DAB1: variants seen among roughly 807,000 people sequenced by gnomAD.
The protein encoded by DAB1 is disabled homolog 1.
DAB1 carries 15 observed loss-of-function variants against 64.6 expected under a neutral mutation model. That is an observed-to-expected ratio of 0.23 (90% CI 0.16 to 0.36). The LOEUF is 0.36. DAB1 is among the 10% of genes least tolerant of loss of function. The pLI, the probability that DAB1 is intolerant of heterozygous loss-of-function variation, is 1.00. For missense variants in DAB1, 596 were observed against 706.7 expected, an observed-to-expected ratio of 0.84 and a Z score of 1.78; for synonymous variants, 235 against 251.9, an observed-to-expected ratio of 0.93 and a Z score of 0.64.
At chr1:57,563,319 A>T (rs1645075002) in intron 7 of DAB1, among the ~76,000 whole-genome samples, 1 of 152,202 alleles carries the variant, frequency 6.6e-6, no homozygotes, top group Non-Finnish European at 1.5e-5. Flanking sequence ...CAGTTCCAAG[A>T]TGGCCAAATA....
intron 11 of DAB1, among the ~76,000 whole-genome samples, chr1:57,017,959 A>G (rs899277405): frequency 6.6e-6 from 1 of 152,134 alleles, no homozygotes; most frequent in Admixed American, 6.5e-5. Flanking sequence ...TTCGGTTGTC[A>G]CAAGAGGAGG....
intron 7 of DAB1, among the ~76,000 whole-genome samples, chr1:57,438,614 G>GAATTAAAT (rs1685787568): frequency 6.6e-6 from 1 of 152,132 alleles, no homozygotes; most frequent in South Asian, 2.1e-4. Context: ...AGGAGGAGGA[G>GAATTAAAT]AATTAAATAA....
At chr1:58,367,525 T>G (rs1298534121) in intron 3 of DAB1, among the ~76,000 whole-genome samples, 1 of 152,164 alleles carries the variant, frequency 6.6e-6, no homozygotes, top group Non-Finnish European at 1.5e-5. Context: ...ATGTCCAATC[T>G]ATAAACAGCA....
At chr1:57,960,111 A>T (rs374814153) in intron 5 of DAB1, among the ~76,000 whole-genome samples, 1 of 151,996 alleles carries the variant, frequency 6.6e-6, no homozygotes, top group Non-Finnish European at 1.5e-5. Context: ...TATGGTGAGG[A>T]GTGTGGGAGA....
At chr1:57,754,601 G>A (rs1242041381) in intron 6 of DAB1, among the ~76,000 whole-genome samples, 1 of 151,854 alleles carries the variant, frequency 6.6e-6, no homozygotes, top group Non-Finnish European at 1.5e-5. Context: ...CAGGAGAATC[G>A]CTTGAAAAAA....
At chr1:57,710,065 T>G (rs899824335) in intron 6 of DAB1, among the ~76,000 whole-genome samples, 2 of 152,162 alleles carry the variant, frequency 1.3e-5, no homozygotes, top group African/African-American at 4.8e-5. Context: ...ACCCTCACTA[T>G]CTTCCTAAAT....
intron 2 of DAB1, among the ~76,000 whole-genome samples, chr1:57,205,725 G>C (rs1204152545): frequency 2.0e-5 from 3 of 152,176 alleles, no homozygotes; most frequent in African/African-American, 4.8e-5. Context: ...CACACAGCTA[G>C]TAAGTGGCAG....
intron 2 of DAB1, among the ~76,000 whole-genome samples, chr1:58,524,102 T>C (rs946143536): frequency 9.2e-5 from 14 of 152,324 alleles, no homozygotes; most frequent in African/African-American, 3.4e-4. Flanking sequence ...GGAAAGTACT[T>C]ACAAATCCAA....
Position 57,056,088 on chromosome 1 carries a change from G to T in DAB1, c.723+6796C>A, listed in dbSNP as rs1649725288. Among the ~76,000 whole-genome samples, 4 of 152,194 alleles carry T rather than the reference G, an allele frequency of 2.6e-5. 1 individual carries two copies. In the South Asian group the frequency reaches 6.2e-4, roughly 24 times the overall value. Reference sequence around the variant, plus strand: ...ATGGAGAGTGGAGAGACTAACTTAAGTACTCAAATTCACAAAGCTAGAAAA... The same window carrying T: ...ATGGAGAGTGGAGAGACTAACTTAATTACTCAAATTCACAAAGCTAGAAAA... On this transcript the variant is annotated intron_variant, in intron 9 of 14. Transcript: ENST00000371236.
intron 4 of DAB1, among the ~76,000 whole-genome samples, chr1:58,300,317 A>G (rs1354467757): frequency 3.3e-5 from 5 of 151,910 alleles, no homozygotes. Flanking sequence ...AGGCTGAGAC[A>G]GATGGATCAC....
chr1:57,149,083 T>C (rs1659418465), intron 2 of DAB1, among the ~76,000 whole-genome samples: 1 of 152,244 alleles, frequency 6.6e-6, no homozygotes, highest in Non-Finnish European at 1.5e-5. Context: ...GACATTTATA[T>C]AATTGTTATT....
rs1443782388 is a variant in DAB1, at chr1:58,064,176, C to T, written n.387+86335G>A. Among the ~76,000 whole-genome samples, 3 of 152,232 alleles carry T rather than the reference C, an allele frequency of 2.0e-5. No individual in the cohort carries two copies. In the East Asian group the frequency reaches 5.8e-4, roughly 29 times the overall value. On this transcript the variant is annotated intron_variant and non_coding_transcript_variant, in intron 5 of 20. Transcript: ENST00000485760. ...TAGGGAAGAAAGAACCACGGGGCCT[C>T]GTAGCGCACATAATTTGCAAGCTGA...
At chr1:57,951,139 G>A (rs1391300091) in intron 5 of DAB1, among the ~76,000 whole-genome samples, 1 of 151,556 alleles carries the variant, frequency 6.6e-6, no homozygotes, top group Non-Finnish European at 1.5e-5. Context: ...TATTTTTATA[G>A]GCAGAGCATC....
At chr1:57,343,302 A>G (rs1173126006) in intron 1 of DAB1, among the ~76,000 whole-genome samples, 2 of 152,178 alleles carry the variant, frequency 1.3e-5, no homozygotes, top group African/African-American at 4.8e-5. Context: ...CTAGATATAG[A>G]GCGCCGATTG....
intron 7 of DAB1, among the ~76,000 whole-genome samples, chr1:57,445,404 A>G (rs1329475992): frequency 6.6e-6 from 1 of 152,178 alleles, no homozygotes; most frequent in Non-Finnish European, 1.5e-5. Context: ...AATTGTATTT[A>G]CTTATATAGT....
At chr1:58,052,020 T>G in intron 5 of DAB1, among the ~76,000 whole-genome samples, 1 of 152,352 alleles carries the variant, frequency 6.6e-6, no homozygotes. Flanking sequence ...TGGTAGTTTC[T>G]TTTGCCGTGC....
intron 6 of DAB1, among the ~76,000 whole-genome samples, chr1:57,735,925 A>G (rs114446355): frequency 6.6e-6 from 1 of 152,154 alleles, no homozygotes; most frequent in South Asian, 2.1e-4. Context: ...GGATGTAAAG[A>G]AATGATAGCC....
intron 5 of DAB1, among the ~76,000 whole-genome samples, chr1:58,131,456 C>T (rs998630368): frequency 6.8e-6 from 1 of 146,024 alleles, no homozygotes. Context: ...CTTCTCTCAG[C>T]TCGTCAAAGT....
intron 4 of DAB1, among the ~76,000 whole-genome samples, chr1:58,308,255 C>T (rs973423527): frequency 1.1e-4 from 17 of 152,244 alleles, no homozygotes; most frequent in African/African-American, 3.9e-4. Flanking sequence ...GGGATGCCCT[C>T]ACATCCTTTT....
Sources: gnomAD v4.1 joint callset for allele counts (sites outside exome capture counted in the v4.1 genomes callset) on GRCh38, gnomAD v4.1.1 for gene constraint, MANE v1.5 for transcripts, NCBI Gene and HGNC (gene_info 2026-07-23, HGNC 2026-07-21) for gene names.